EFCAB6: variants seen among roughly 807,000 people sequenced by gnomAD.
The protein encoded by EFCAB6 is EF-hand calcium-binding domain-containing protein 6.
In EFCAB6, 156 loss-of-function variants were observed where a neutral mutation model predicts 169.8. The ratio of observed to expected loss-of-function variants is 0.92; its 90% CI spans 0.81 to 1.05. The LOEUF is 1.05. Ranked by LOEUF, EFCAB6 falls within the 50% of genes least tolerant of loss-of-function variation. The pLI, the probability that EFCAB6 is intolerant of heterozygous loss-of-function variation, is 0.00. For missense variants in EFCAB6, 1,800 were observed against 1,829.1 expected (o/e 0.98, Z 0.29); for synonymous variants, 698 against 676.4 (o/e 1.03, Z -0.50).
At chr22:43,752,066 G>A (rs1416270208) in intron 6 of EFCAB6, among the ~76,000 whole-genome samples, 1 of 151,212 alleles carries the variant, frequency 6.6e-6, no homozygotes, top group Non-Finnish European at 1.5e-5. Context: ...TGAAGCAGAT[G>A]GATTGGTTGC....
intron 5 of EFCAB6, among the ~76,000 whole-genome samples, chr22:43,758,798 A>G (rs1167277189): frequency 6.6e-6 from 1 of 152,188 alleles, no homozygotes; most frequent in Non-Finnish European, 1.5e-5. Flanking sequence ...TTTAACCCTC[A>G]GTTTTTATTT....
intron 2 of EFCAB6, among the ~76,000 whole-genome samples, chr22:43,787,224 C>A (rs963385043): frequency 2.0e-5 from 3 of 151,954 alleles, no homozygotes; most frequent in African/African-American, 7.3e-5. Context: ...AGCAGTTAGG[C>A]AAGAAAAATA....
chr22:43,622,860 G>A (rs143820716), intron 20 of EFCAB6, among the ~76,000 whole-genome samples: 1 of 152,308 alleles, frequency 6.6e-6, no homozygotes, highest in East Asian at 1.9e-4. Flanking sequence ...TCTTGCGGCA[G>A]TGCCCAAAGT....
At chr22:43,610,209 T>C (rs996128508) in intron 21 of EFCAB6, among the ~76,000 whole-genome samples, 1 of 152,142 alleles carries the variant, frequency 6.6e-6, no homozygotes, top group Admixed American at 6.5e-5. Flanking sequence ...AGACATCATA[T>C]AAAAAAGGTA....
chr22:43,762,811 A>C lies in EFCAB6; in HGVS notation c.440+2494T>G, dbSNP rs770135421. Reference sequence around the variant, plus strand: ...GTTTTTCCAGTTCTTTAGCTTTCCCAACAAAGACTATTCATATTAGTTTAC... The same window carrying C: ...GTTTTTCCAGTTCTTTAGCTTTCCCCACAAAGACTATTCATATTAGTTTAC... On this transcript the variant is annotated intron_variant, in intron 5 of 31. Coordinates refer to ENST00000262726, the MANE Select transcript of EFCAB6 (RefSeq NM_022785.4). Among the ~76,000 whole-genome samples, 4 of 152,346 alleles carry C rather than the reference A, an allele frequency of 2.6e-5. No individual in the cohort carries two copies. The East Asian group carries it at 7.7e-4, about 29-fold the overall frequency.
intron 17 of EFCAB6, among the ~76,000 whole-genome samples, chr22:43,666,086 C>T (rs1415325833): frequency 1.3e-5 from 2 of 152,254 alleles, no homozygotes; most frequent in African/African-American, 2.4e-5. Context: ...CCACACCTAG[C>T]CTATTCCCTT....
intron 17 of EFCAB6, among the ~76,000 whole-genome samples, chr22:43,644,859 T>C (rs1602900222): frequency 1.3e-5 from 2 of 152,250 alleles, no homozygotes; most frequent in Admixed American, 6.5e-5. Context: ...GAACCAGTTC[T>C]GCAAGTGACT....
chr22:43,667,662 C>T (rs1297710588), intron 16 of EFCAB6, among the ~76,000 whole-genome samples: 1 of 152,052 alleles, frequency 6.6e-6, no homozygotes, highest in Non-Finnish European at 1.5e-5. Flanking sequence ...AAGTCAGAGC[C>T]CATTAGAAAG....
At chr22:43,683,487 T>C (rs960205186) in intron 12 of EFCAB6, among the ~76,000 whole-genome samples, 2 of 152,188 alleles carry the variant, frequency 1.3e-5, no homozygotes, top group Non-Finnish European at 2.9e-5. Flanking sequence ...TGCCACACAT[T>C]GTTCCCATCA....
intron 23 of EFCAB6, among the ~76,000 whole-genome samples, chr22:43,595,755 A>C (rs554546820): frequency 5.9e-5 from 9 of 152,182 alleles, no homozygotes; most frequent in African/African-American, 2.2e-4. Flanking sequence ...CTATAAGGCC[A>C]GTAATATCCT....
rs2062449762 is a variant in EFCAB6, at chr22:43,795,003, C to T, written c.-7-12678G>A. Among the ~76,000 whole-genome samples the T allele has an allele frequency of 6.6e-6, 1 of 152,220 alleles. No homozygotes were observed. The highest frequency in any genetic ancestry group is 1.5e-5 in the Non-Finnish European group (1 of 68,042). On this transcript the variant is annotated intron_variant, in intron 2 of 31. Coordinates refer to ENST00000262726, the MANE Select transcript of EFCAB6 (RefSeq NM_022785.4). The surrounding 1 kb of genome is among the most constrained non-coding windows in gnomAD (Gnocchi z 4.2). Reference sequence around the variant, plus strand: ...ACACTATGGCCACGCATTTGGGACACAGTCTCCCTCCACCAAGGAGCTCCC... The same window carrying T: ...ACACTATGGCCACGCATTTGGGACATAGTCTCCCTCCACCAAGGAGCTCCC...
intron 10 of EFCAB6, among the ~76,000 whole-genome samples, chr22:43,696,269 T>TTAG (rs1381507129): frequency 8.0e-6 from 1 of 125,668 alleles, no homozygotes; most frequent in Non-Finnish European, 1.7e-5. Flanking sequence ...TCTACACACC[T>TTAG]CTAGAATGGC....
At chr22:43,791,063 G>T (rs2062268600) in intron 2 of EFCAB6, among the ~76,000 whole-genome samples, 1 of 152,190 alleles carries the variant, frequency 6.6e-6, no homozygotes, top group Admixed American at 6.5e-5. Flanking sequence ...ATAGGTCACT[G>T]AATACATGAG....
intron 12 of EFCAB6, among the ~76,000 whole-genome samples, chr22:43,680,483 G>GAA (rs137789): frequency 1.4e-5 from 2 of 145,532 alleles, no homozygotes. Context: ...CAAAAAAAAA[G>GAA]AAAAAAAAAA....
Position 43,797,029 on chromosome 22 carries a change from G to A in EFCAB6, c.-8+11966C>T, listed in dbSNP as rs117605839. On this transcript the variant is annotated intron_variant, in intron 2 of 31. Transcript: ENST00000262726. Reference sequence around the variant, plus strand: ...CAATGCTTGCTGATGTGATATATATGAGAATGCCTAAAAATTTTGGCCCAG... The same window carrying A: ...CAATGCTTGCTGATGTGATATATATAAGAATGCCTAAAAATTTTGGCCCAG... 1.3e-3 allele frequency among the ~76,000 whole-genome samples: 197 copies of A among 152,304 alleles called. 2 individuals carry two copies. In the East Asian group the frequency reaches 0.033, roughly 26 times the overall value.
rs1268366071 is a variant in EFCAB6 at position 43,687,601 on chromosome 22, C to A, written c.1032-20G>T. ...CCAAATCTGGATTTAAAAGTAACAA[C>A]AAAAAACATTACTTTAAACATTTTT... On this transcript the variant is annotated intron_variant, in intron 10 of 31. Transcript: ENST00000262726. 4.1e-6 allele frequency: 6 copies of A among 1,451,704 alleles called. No homozygotes were observed. Among genetic ancestry groups the A allele is most frequent in the Admixed American group, 2.0e-5 (1 of 51,050 alleles). 89.9% of individuals were successfully genotyped at this position (1,451,704 alleles called of 1,614,324 possible).
chr22:43,620,300 G>C (rs747049319), intron 20 of EFCAB6, among the ~76,000 whole-genome samples: 1 of 151,730 alleles, frequency 6.6e-6, no homozygotes, highest in Non-Finnish European at 1.5e-5. Context: ...CAGAGTGAGA[G>C]AGCTAGTTAA....
intron 7 of EFCAB6, among the ~76,000 whole-genome samples, chr22:43,733,194 T>C (rs374147370): frequency 1.3e-5 from 2 of 152,310 alleles, no homozygotes. Context: ...GTCTCTGTCT[T>C]GTGAAAATGA....
At chr22:43,750,150 T>A (rs574385185) in intron 6 of EFCAB6, among the ~76,000 whole-genome samples, 1 of 152,164 alleles carries the variant, frequency 6.6e-6, no homozygotes, top group African/African-American at 2.4e-5. Flanking sequence ...TCCGAAATAA[T>A]TGCAAATTCT....
Sources: gnomAD v4.1 joint callset for allele counts (sites outside exome capture counted in the v4.1 genomes callset) on GRCh38, gnomAD v4.1.1 for gene constraint, Gnocchi (gnomAD v3.1) non-coding constraint, MANE v1.5 for transcripts, NCBI Gene and HGNC (gene_info 2026-07-23, HGNC 2026-07-21) for gene names.